Variants in AMPH observed in about 807,000 individuals in gnomAD.
AMPH encodes the protein amphiphysin (Stiff-Mann syndrome with breast cancer 128kD autoantigen).
In AMPH, 49 loss-of-function variants were observed where a neutral mutation model predicts 99.1. The ratio of observed to expected loss-of-function variants is 0.49; its 90% CI spans 0.39 to 0.63. The LOEUF is 0.63. AMPH is among the 20% of genes least tolerant of loss of function. AMPH has a pLI of 0.00. For missense variants in AMPH, 759 were observed against 863.4 expected, an observed-to-expected ratio of 0.88 and a Z score of 1.52; for synonymous variants, 314 against 317.3, an observed-to-expected ratio of 0.99 and a Z score of 0.11.
intron 9 of AMPH, among the ~76,000 whole-genome samples, chr7:38,463,610 A>C (rs1214235400): frequency 1.3e-5 from 2 of 152,234 alleles, no homozygotes; most frequent in African/African-American, 4.8e-5. Context: ...TTAAAAGGTA[A>C]CCTTAGGATA....
chr7:38,525,244 T>TTG (rs757918305), intron 2 of AMPH, among the ~76,000 whole-genome samples: 10,496 of 121,206 alleles, frequency 0.087, 491 homozygotes, highest in Admixed American at 0.16. Context: ...ATATATGTAG[T>TTG]TGTGTGTGTG....
intron 1 of AMPH, among the ~76,000 whole-genome samples, chr7:38,619,209 C>T (rs189304834): frequency 1.3e-5 from 2 of 152,100 alleles, no homozygotes; most frequent in Admixed American, 1.3e-4. Flanking sequence ...AAAAAAGATA[C>T]ATCATGCAAA....
rs988122390 is a variant in AMPH at position 38,430,099 on chromosome 7, A to G, written c.1159-234T>C. 4 of 519,518 alleles carry G rather than the reference A, an allele frequency of 7.7e-6. No individual in the cohort carries two copies. The Admixed American group carries it at 1.5e-4, about 20-fold the overall frequency. The allele number at this position is 519,518 out of a possible 1,614,324, so 32.2% of individuals were successfully genotyped here. A position where few individuals can be genotyped will look rare whatever the true frequency, so the allele number is the denominator to read the frequency against. On this transcript the variant is annotated intron_variant, in intron 13 of 20. Coordinates refer to ENST00000356264, the MANE Select transcript of AMPH (RefSeq NM_001635.4). ...AAGAAAGCCTCTTTCACTTTCTAGC[A>G]TCAGCAAGGATGTTTTATGGCTAGT...
chr7:38,459,849 A>G (rs550789012), intron 11 of AMPH, among the ~76,000 whole-genome samples: 1 of 152,176 alleles, frequency 6.6e-6, no homozygotes, highest in East Asian at 1.9e-4. Context: ...AAATGAGGCT[A>G]TATTAAACTA....
chr7:38,597,036 T>G (rs1372329582), intron 1 of AMPH, among the ~76,000 whole-genome samples: 1 of 152,240 alleles, frequency 6.6e-6, no homozygotes, highest in Non-Finnish European at 1.5e-5. Flanking sequence ...GTGAACATTT[T>G]GATTTTACAT....
chr7:38,448,629 T>A (rs1786884131), intron 11 of AMPH, among the ~76,000 whole-genome samples: 1 of 152,194 alleles, frequency 6.6e-6, no homozygotes, highest in Non-Finnish European at 1.5e-5. Flanking sequence ...TTATGTAGTA[T>A]TTTTGGATCA....
At chr7:38,628,279 C>T (rs1321407650) in intron 1 of AMPH, among the ~76,000 whole-genome samples, 1 of 152,066 alleles carries the variant, frequency 6.6e-6, no homozygotes, top group African/African-American at 2.4e-5. Flanking sequence ...ATTTTATTAT[C>T]CAGAGTTGGC....
rs558028286 is a variant in AMPH at position 38,557,113 on chromosome 7, G to T, written c.70-22102C>A. 2.6e-5 allele frequency among the ~76,000 whole-genome samples: 4 copies of T among 152,240 alleles called. No homozygotes were observed. In the South Asian group the frequency reaches 8.3e-4, roughly 32 times the overall value. On this transcript the variant is annotated intron_variant, in intron 1 of 20. Transcript: ENST00000356264. The stretch of plus-strand genomic sequence containing the variant: ...CTGTGTAGAGGACTGATTTGGGGTG[G>T]GAAACAAGGGAAGCATGGGACAAAA...
intron 1 of AMPH, among the ~76,000 whole-genome samples, chr7:38,612,688 G>A (rs1793728885): frequency 6.6e-6 from 1 of 152,166 alleles, no homozygotes; most frequent in African/African-American, 2.4e-5. Context: ...TTGAAGATGA[G>A]GGTACCCGAG....
At chr7:38,591,661 T>G (rs1303336294) in intron 1 of AMPH, among the ~76,000 whole-genome samples, 1 of 152,098 alleles carries the variant, frequency 6.6e-6, no homozygotes. Flanking sequence ...TTCTGCAAAG[T>G]TCCCCCAAAC....
chr7:38,504,721 G>C (rs551856377), intron 2 of AMPH, among the ~76,000 whole-genome samples: 1 of 152,194 alleles, frequency 6.6e-6, no homozygotes, highest in Non-Finnish European at 1.5e-5. Flanking sequence ...TAGAAGCAGA[G>C]AGGGCTCCAG....
chr7:38,439,684 C>A (rs1462955759), intron 11 of AMPH, among the ~76,000 whole-genome samples: 1 of 152,164 alleles, frequency 6.6e-6, no homozygotes, highest in South Asian at 2.1e-4. Flanking sequence ...CAGAAATCTA[C>A]AAGGGGTGAC....
At chr7:38,558,839 A>G (rs1422226547) in intron 1 of AMPH, among the ~76,000 whole-genome samples, 2 of 152,222 alleles carry the variant, frequency 1.3e-5, no homozygotes, top group African/African-American at 4.8e-5. Flanking sequence ...ACAATTGATG[A>G]AAGAAAATAA....
chr7:38,475,458 A>T (rs749857115), intron 6 of AMPH, 42 bp from the exon 7 acceptor site: 1 of 1,279,024 alleles, frequency 7.8e-7, no homozygotes, highest in South Asian at 1.2e-5. Flanking sequence ...AAGAAAGACC[A>T]TTTCTATACA....
chr7:38,528,080 TATCCTGAATAA>T (rs891744721), intron 2 of AMPH, among the ~76,000 whole-genome samples: 17 of 152,224 alleles, frequency 1.1e-4, no homozygotes, highest in Non-Finnish European at 2.2e-4. Context: ...CAGCCTCGCA[TATCCTGAATAA>T]ATCCTATTTG....
chr7:38,449,038 C>T (rs2284248), intron 11 of AMPH, among the ~76,000 whole-genome samples: 30,206 of 151,966 alleles, frequency 0.2, 3,207 homozygotes, highest in Middle Eastern at 0.22. Context: ...AGGGATAGGG[C>T]CTATGCTTAT....
At chr7:38,629,392 G>A (rs1794375257) in intron 1 of AMPH, among the ~76,000 whole-genome samples, 1 of 152,082 alleles carries the variant, frequency 6.6e-6, no homozygotes, top group Admixed American at 6.5e-5. Flanking sequence ...AAGAAAATAG[G>A]ACGCTTGAAA....
At chr7:38,522,857 C>T (rs1304719029) in intron 2 of AMPH, among the ~76,000 whole-genome samples, 1 of 152,060 alleles carries the variant, frequency 6.6e-6, no homozygotes, top group Non-Finnish European at 1.5e-5. Flanking sequence ...CGCCTGTAAT[C>T]CAGCATTTTG....
intron 1 of AMPH, among the ~76,000 whole-genome samples, chr7:38,549,043 T>C (rs1791091379): frequency 6.6e-6 from 1 of 152,254 alleles, no homozygotes; most frequent in Admixed American, 6.5e-5. Context: ...CTTATCTATG[T>C]TGGCAGCTCA....
Sources: gnomAD v4.1 joint callset for allele counts (sites outside exome capture counted in the v4.1 genomes callset) on GRCh38, gnomAD v4.1.1 for gene constraint, MANE v1.5 for transcripts, NCBI Gene and HGNC (gene_info 2026-07-23, HGNC 2026-07-21) for gene names.